The following SNRNP70 variants were observed in gnomAD, a reference collection of about 807,000 sequenced individuals.
SNRNP70 encodes small nuclear ribonucleoprotein U1 subunit 70, also known as U1 small nuclear ribonucleoprotein 70 kDa.
In SNRNP70, 8 loss-of-function variants were observed where a neutral mutation model predicts 50.5. The ratio of observed to expected loss-of-function variants is 0.16; its 90% CI spans 0.09 to 0.29. SNRNP70 has a LOEUF of 0.29. SNRNP70 is among the 10% of genes least tolerant of loss of function. SNRNP70 has a pLI of 1.00. For missense variants in SNRNP70, 529 were observed against 663.5 expected (o/e 0.80, Z 2.23); for synonymous variants, 320 against 252.9 (o/e 1.27, Z -2.52).
At chr19:49,086,729 G>C (rs2040385126) in intron 2 of SNRNP70, among the ~76,000 whole-genome samples, 168 bp downstream of exon 2, 1 of 152,094 alleles carries the variant, frequency 6.6e-6, no homozygotes, top group South Asian at 2.1e-4. Context: ...CGGGTGTCGG[G>C]TGTGGTCGAG....
intron 4 of SNRNP70, among the ~76,000 whole-genome samples, chr19:49,093,380 C>G (rs2040472378): frequency 6.6e-6 from 1 of 152,104 alleles, no homozygotes; most frequent in African/African-American, 2.4e-5. Context: ...GCCACCACAC[C>G]CGGCCAGAAA....
intron 4 of SNRNP70, among the ~76,000 whole-genome samples, chr19:49,091,891 A>T (rs2040451584): frequency 6.6e-6 from 1 of 152,252 alleles, no homozygotes; most frequent in Middle Eastern, 3.4e-3. Context: ...ATAGACATTC[A>T]GCTGTGCCGG....
chr19:49,102,435 C>T (rs888542635), intron 7 of SNRNP70: 19 of 286,002 alleles, frequency 6.6e-5, no homozygotes, highest in Non-Finnish European at 1.2e-4. Flanking sequence ...CGCTTGGGTT[C>T]CACCCAGCCT....
intron 4 of SNRNP70, among the ~76,000 whole-genome samples, chr19:49,096,965 A>G (rs918516330): frequency 2.0e-5 from 3 of 151,776 alleles, no homozygotes; most frequent in African/African-American, 7.3e-5. Context: ...CCCCATCTCT[A>G]CTAACAATAC....
intron 2 of SNRNP70, among the ~76,000 whole-genome samples, chr19:49,089,069 C>G (rs188435510): frequency 6.6e-6 from 1 of 152,172 alleles, no homozygotes; most frequent in African/African-American, 2.4e-5. Flanking sequence ...TACTATAAAG[C>G]TAGATGTCAC....
chr19:49,108,504 TC>T lies in SNRNP70; in HGVS notation c.*65del. 6.5e-7 allele frequency: 1 copy of T among 1,535,594 alleles called. No homozygotes were observed. Reference sequence around the variant, plus strand: ...GTTCCTGCCCAGCCCCTTGCTGTCATCCCCTCCCCCAACCTTGGCCACTTGA... The same window carrying T: ...GTTCCTGCCCAGCCCCTTGCTGTCATCCCTCCCCCAACCTTGGCCACTTGA... On this transcript the variant is annotated 3_prime_UTR_variant, in exon 10 of 10. Coordinates refer to ENST00000598441, the MANE Select transcript of SNRNP70 (RefSeq NM_003089.6).
intron 4 of SNRNP70, among the ~76,000 whole-genome samples, chr19:49,098,213 A>C (rs923430302): frequency 6.6e-6 from 1 of 152,146 alleles, no homozygotes; most frequent in Admixed American, 6.6e-5. Flanking sequence ...AGCCTGGATT[A>C]TCTCTCAGCC....
At chr19:49,088,387 G>A (rs2040408997) in intron 2 of SNRNP70, among the ~76,000 whole-genome samples, 1 of 150,138 alleles carries the variant, frequency 6.7e-6, no homozygotes, top group South Asian at 2.1e-4. Flanking sequence ...TATTTTTAGA[G>A]ATGGGGTTTC....
At chr19:49,088,296 G>A (rs1168848369) in intron 2 of SNRNP70, among the ~76,000 whole-genome samples, 1 of 139,806 alleles carries the variant, frequency 7.2e-6, no homozygotes, top group Non-Finnish European at 1.5e-5. Context: ...TCCGCCTCCC[G>A]GGTTCATGCC....
Position 49,097,620 on chromosome 19 carries a change from G to T in SNRNP70, c.266-807G>T, listed in dbSNP as rs1417287700. Among the ~76,000 whole-genome samples, 5 of 152,186 alleles carry T rather than the reference G, an allele frequency of 3.3e-5. No homozygotes were observed. In the East Asian group the frequency reaches 5.8e-4, roughly 18 times the overall value. The stretch of plus-strand genomic sequence containing the variant: ...ACACTATACCATGGAAGAACCGGCA[G>T]AGTGTCCTTAAGGCCCCGGCAGGAG... On this transcript the variant is annotated intron_variant, in intron 4 of 9. Coordinates refer to ENST00000598441, the MANE Select transcript of SNRNP70 (RefSeq NM_003089.6).
At chr19:49,088,096 G>A (rs1401023284) in intron 2 of SNRNP70, among the ~76,000 whole-genome samples, 2 of 150,998 alleles carry the variant, frequency 1.3e-5, no homozygotes, top group Non-Finnish European at 2.9e-5. Context: ...TCACCATGTA[G>A]GCCAGGCTGG....
chr19:49,103,726 G>A (rs1241295481), intron 7 of SNRNP70: 1 of 152,628 alleles, frequency 6.6e-6, no homozygotes, highest in African/African-American at 2.4e-5. Flanking sequence ...TGGCCTTCAT[G>A]ACAGCCCCAC....
intron 2 of SNRNP70, among the ~76,000 whole-genome samples, chr19:49,087,264 C>T (rs1331452904): frequency 6.7e-6 from 1 of 150,336 alleles, no homozygotes; most frequent in East Asian, 1.9e-4. Context: ...GTTGAGGATT[C>T]ATGCCTAACC....
intron 4 of SNRNP70, among the ~76,000 whole-genome samples, chr19:49,092,948 C>T (rs942162233): frequency 3.6e-5 from 5 of 139,106 alleles, no homozygotes; most frequent in African/African-American, 1.3e-4. Context: ...CAGGGTCGTG[C>T]TGTGTTGCCC....
In SNRNP70 at chr19:49,107,686, C is replaced by G; in HGVS notation, c.639C>G (p.Arg213=). 6.2e-7 allele frequency: 1 copy of G among 1,614,056 alleles called. No homozygotes were observed. Among genetic ancestry groups the G allele is most frequent in the Non-Finnish European group, 8.5e-7 (1 of 1,180,012 alleles). The change falls in exon 9 of 10, where the codon CGC becomes CGG. Residue 213 remains arginine, a synonymous_variant. Coordinates refer to ENST00000598441, the MANE Select transcript of SNRNP70 (RefSeq NM_003089.6). The surrounding 1 kb of genome is among the most constrained non-coding windows in gnomAD (Gnocchi z 6.0). ...ATGTGAACATCCGGCATTCAGGCCG[C>G]GATGACACCTCCCGCTACGATGAGA... ...GADVNIRHSG[R]DDTSRYDERP...
chr19:49,098,981 T>C (rs762390198), intron 6 of SNRNP70, among the ~76,000 whole-genome samples: 23 of 152,158 alleles, frequency 1.5e-4, no homozygotes, highest in African/African-American at 4.6e-4. Flanking sequence ...TGTTTACACA[T>C]TGTCTTTGGC....
Position 49,086,159 on chromosome 19 carries a change from T to C in SNRNP70, c.-10-246T>C, listed in dbSNP as rs1267125211. ...CCCCACAGCTCGTGTCAGAGGACTC[T>C]GAGACTTCACTCTTCAGGAACCCTT... On this transcript the variant is annotated intron_variant, in intron 1 of 9. Transcript: ENST00000598441. 2.0e-5 allele frequency among the ~76,000 whole-genome samples: 3 copies of C among 152,198 alleles called. No homozygotes were observed. In the South Asian group the frequency reaches 6.2e-4, roughly 32 times the overall value.
intron 6 of SNRNP70, among the ~76,000 whole-genome samples, chr19:49,100,192 C>G (rs1475152572): frequency 6.6e-6 from 1 of 152,220 alleles, no homozygotes; most frequent in East Asian, 1.9e-4. Flanking sequence ...CTGGTTCATT[C>G]TGGCCACCTC....
intron 4 of SNRNP70, among the ~76,000 whole-genome samples, chr19:49,096,675 G>A (rs1457676119): frequency 1.3e-5 from 2 of 152,020 alleles, no homozygotes; most frequent in Non-Finnish European, 2.9e-5. Context: ...GCTGAGGCAG[G>A]AGAATCGCTT....
Sources: gnomAD v4.1 joint callset for allele counts (sites outside exome capture counted in the v4.1 genomes callset) on GRCh38, gnomAD v4.1.1 for gene constraint, Gnocchi (gnomAD v3.1) non-coding constraint, MANE v1.5 for transcripts, NCBI Gene and HGNC (gene_info 2026-07-23, HGNC 2026-07-21) for gene names.